The following FSTL5 variants were observed in gnomAD, a reference collection of about 807,000 sequenced individuals.
The protein encoded by FSTL5 is follistatin like 5.
A neutral mutation model predicts 89.1 loss-of-function variants in FSTL5; 62 were observed. The ratio of observed to expected loss-of-function variants is 0.70; its 90% confidence interval spans 0.57 to 0.86. The LOEUF is 0.86. FSTL5 is among the 40% of genes least tolerant of loss of function. FSTL5 has a pLI of 0.00. For synonymous variants in FSTL5, 383 were observed against 346.2 expected (o/e 1.11, Z -1.18); for missense variants, 1,057 against 1,001.6 (o/e 1.06, Z -0.75).
At chr4:162,024,232 A>T (rs1737198583) in intron 3 of FSTL5, among the ~76,000 whole-genome samples, 1 of 152,214 alleles carries the variant, frequency 6.6e-6, no homozygotes, top group South Asian at 2.1e-4. Context: ...CCGAATTCAC[A>T]TATACCAAAA....
intron 4 of FSTL5, among the ~76,000 whole-genome samples, chr4:161,824,708 G>A (rs1655685172): frequency 6.6e-6 from 1 of 152,112 alleles, no homozygotes; most frequent in South Asian, 2.1e-4. Flanking sequence ...TATTGTAAAA[G>A]GGGTTGAGTT....
intron 7 of FSTL5, among the ~76,000 whole-genome samples, chr4:161,623,653 A>G (rs1181398818): frequency 1.3e-5 from 2 of 151,840 alleles, no homozygotes; most frequent in Non-Finnish European, 2.9e-5. Flanking sequence ...CTGTGACACA[A>G]CTGCTTATGA....
At chr4:161,934,814 A>T (rs1268131279) in intron 3 of FSTL5, among the ~76,000 whole-genome samples, 1 of 152,140 alleles carries the variant, frequency 6.6e-6, no homozygotes, top group Admixed American at 6.6e-5. Context: ...GCTATCATTA[A>T]CATCAATATC....
chr4:161,931,510 G>T lies in FSTL5; in HGVS notation c.161-10858C>A, dbSNP rs990984261. Reference sequence around the variant, plus strand: ...TTATGAGAAGTGGAGGAAATTCTTGGACAGTAGACTCAATATTCTTGTACA... The same window carrying T: ...TTATGAGAAGTGGAGGAAATTCTTGTACAGTAGACTCAATATTCTTGTACA... On this transcript the variant is annotated intron_variant, in intron 3 of 15. Transcript: ENST00000306100. Among the ~76,000 whole-genome samples, 15 of 151,908 alleles carry T rather than the reference G, an allele frequency of 9.9e-5. 1 individual carries two copies. Among genetic ancestry groups the T allele is most frequent in the Non-Finnish European group, 5.9e-5 (4 of 67,860 alleles).
At chr4:161,837,337 GA>G (rs940977460) in intron 4 of FSTL5, among the ~76,000 whole-genome samples, 1 of 151,820 alleles carries the variant, frequency 6.6e-6, no homozygotes, top group Non-Finnish European at 1.5e-5. Flanking sequence ...GGGAAATTTA[GA>G]AAAAAACCTA....
intron 1 of FSTL5, among the ~76,000 whole-genome samples, chr4:162,122,145 C>T (rs762431391): frequency 1.3e-5 from 2 of 151,924 alleles, no homozygotes; most frequent in African/African-American, 4.8e-5. Context: ...CACCCTATAC[C>T]CTGTGTCATT....
intron 6 of FSTL5, among the ~76,000 whole-genome samples, chr4:161,741,509 G>A (rs887589968): frequency 1.3e-5 from 2 of 151,992 alleles, no homozygotes; most frequent in Non-Finnish European, 2.9e-5. Flanking sequence ...AGGCCTCTAA[G>A]TTAATAACTT....
At position 161,871,360 on chromosome 4, in the gene FSTL5, AG is replaced by A. The variant is rs1313972507; in HGVS notation, c.409+49043del. Among the ~76,000 whole-genome samples, 10 of 152,182 alleles carry A rather than the reference AG, an allele frequency of 6.6e-5. No individual in the cohort carries two copies. The East Asian group carries it at 1.9e-3, about 29-fold the overall frequency. On this transcript the variant is annotated intron_variant, in intron 4 of 15. Coordinates refer to ENST00000306100, the MANE Select transcript of FSTL5 (RefSeq NM_020116.5). Reference sequence around the variant, plus strand: ...TTTTCAAGATTAGAGATAGTTTTTGAGTCTGTTTTGTAGATAAATTAATTAT... The same window carrying A: ...TTTTCAAGATTAGAGATAGTTTTTGATCTGTTTTGTAGATAAATTAATTAT...
intron 3 of FSTL5, among the ~76,000 whole-genome samples, chr4:162,019,655 C>A (rs1027269686): frequency 2.0e-5 from 3 of 151,708 alleles, no homozygotes; most frequent in African/African-American, 4.8e-5. Flanking sequence ...TTCTCAATAT[C>A]TTTTATGAAG....
intron 4 of FSTL5, among the ~76,000 whole-genome samples, chr4:161,910,697 T>C (rs1372375585): frequency 6.6e-6 from 1 of 152,126 alleles, no homozygotes; most frequent in East Asian, 1.9e-4. Context: ...TATATCTCTT[T>C]TGGACAATCA....
At chr4:162,146,279 T>C (rs1286533878) in intron 1 of FSTL5, among the ~76,000 whole-genome samples, 2 of 152,134 alleles carry the variant, frequency 1.3e-5, no homozygotes, top group Admixed American at 6.5e-5. Context: ...CTGAAGAATA[T>C]TTCCCTTGTA....
chr4:161,844,940 T>C (rs933973250), intron 4 of FSTL5, among the ~76,000 whole-genome samples: 4 of 151,322 alleles, frequency 2.6e-5, no homozygotes, highest in Non-Finnish European at 5.9e-5. Flanking sequence ...ATAATAATAA[T>C]AAAAAAACTA....
chr4:162,154,632 A>G (rs1165199097), intron 1 of FSTL5, among the ~76,000 whole-genome samples: 1 of 152,184 alleles, frequency 6.6e-6, no homozygotes. Context: ...TAAAAATGGG[A>G]AAACACAGCA....
intron 3 of FSTL5, among the ~76,000 whole-genome samples, chr4:162,000,395 A>G (rs1299631049): frequency 6.6e-6 from 1 of 152,070 alleles, no homozygotes; most frequent in Non-Finnish European, 1.5e-5. Flanking sequence ...GTTTGAGACC[A>G]GTCTGGCCAA....
chr4:162,032,687 A>C (rs2111194961), intron 3 of FSTL5: 1 of 152,348 alleles, frequency 6.6e-6, no homozygotes, highest in African/African-American at 2.4e-5. Context: ...ATAAATAAGC[A>C]AGATTGTATC....
At chr4:161,891,758 T>C (rs1431257767) in intron 4 of FSTL5, among the ~76,000 whole-genome samples, 2 of 152,090 alleles carry the variant, frequency 1.3e-5, no homozygotes, top group African/African-American at 4.8e-5. Flanking sequence ...AATCTCATTA[T>C]GTCCAAATTT....
At chr4:161,795,616 T>G (rs1182303609) in intron 4 of FSTL5, among the ~76,000 whole-genome samples, 2 of 152,074 alleles carry the variant, frequency 1.3e-5, no homozygotes, top group Non-Finnish European at 2.9e-5. Flanking sequence ...CCCACACAGA[T>G]ATGAGTTTAT....
intron 7 of FSTL5, among the ~76,000 whole-genome samples, chr4:161,649,559 A>G (rs925695159): frequency 6.6e-6 from 1 of 152,244 alleles, no homozygotes; most frequent in Non-Finnish European, 1.5e-5. Flanking sequence ...TTGAAATACA[A>G]TAGATAATAA....
intron 8 of FSTL5, among the ~76,000 whole-genome samples, chr4:161,561,528 T>C (rs1379291048): frequency 6.6e-6 from 1 of 151,950 alleles, no homozygotes; most frequent in Non-Finnish European, 1.5e-5. Flanking sequence ...CGAGTTAAGA[T>C]AGTGGTGAGG....
Sources: gnomAD v4.1 joint callset for allele counts (sites outside exome capture counted in the v4.1 genomes callset) on GRCh38, gnomAD v4.1.1 for gene constraint, MANE v1.5 for transcripts, NCBI Gene and HGNC (gene_info 2026-07-23, HGNC 2026-07-21) for gene names.